The following UNC79 variants were observed in gnomAD, a reference collection of about 807,000 sequenced individuals.
The protein encoded by UNC79 is protein unc-79 homolog.
A neutral mutation model predicts 283.1 loss-of-function variants in UNC79; 37 were observed. The ratio of observed to expected loss-of-function variants is 0.13; its 90% CI spans 0.10 to 0.17. The LOEUF is 0.17. Ranked by LOEUF, UNC79 falls within the 10% of genes least tolerant of loss-of-function variation. The pLI, the probability that UNC79 is intolerant of heterozygous loss-of-function variation, is 1.00. For missense variants in UNC79, 2,272 were observed against 3,211.1 expected, an observed-to-expected ratio of 0.71 and a Z score of 7.07; for synonymous variants, 1,107 against 1,200.2, an observed-to-expected ratio of 0.92 and a Z score of 1.61.
At chr14:93,674,953 T>C (rs2073205245) in intron 41 of UNC79, among the ~76,000 whole-genome samples, 1 of 152,232 alleles carries the variant, frequency 6.6e-6, no homozygotes, top group Non-Finnish European at 1.5e-5. Flanking sequence ...TTACGTGGAT[T>C]ACTGTAACAG....
rs186826566 is a variant in UNC79 at position 93,536,237 on chromosome 14, A to G, written c.1123-1752A>G. Among the ~76,000 whole-genome samples the G allele has an allele frequency of 3.3e-5, 5 of 152,336 alleles. No homozygotes were observed. The East Asian group carries it at 9.6e-4, about 29-fold the overall frequency. On this transcript the variant is annotated intron_variant, in intron 11 of 48. Transcript: ENST00000555664. ...TCTGATCCACAGAGCCTATGAACAT[A>G]ATTAAATGTTGCTGTTTTATGCCGC...
intron 24 of UNC79, among the ~76,000 whole-genome samples, chr14:93,599,907 TA>T (rs1161834281): frequency 6.6e-6 from 1 of 152,168 alleles, no homozygotes; most frequent in Non-Finnish European, 1.5e-5. Context: ...CTACAGGCAT[TA>T]AAACCAGATG....
At chr14:93,420,983 A>AT (rs2055586249) in intron 1 of UNC79, among the ~76,000 whole-genome samples, 1 of 151,792 alleles carries the variant, frequency 6.6e-6, no homozygotes, top group Non-Finnish European at 1.5e-5. Context: ...TCCCAGCTAT[A>AT]AGTGCCTACA....
In UNC79 at chr14:93,357,975, AG is replaced by A. The variant is rs544011119; in HGVS notation, c.-351+24453del. Among the ~76,000 whole-genome samples the A allele has an allele frequency of 7.8e-5, 11 of 140,964 alleles. No individual in the cohort carries two copies. The East Asian group carries it at 2.2e-3, about 28-fold the overall frequency. The allele number at this position is 140,964 out of a possible 152,430, so 92.5% of individuals were successfully genotyped here. Reference sequence around the variant, plus strand: ...TATATCTATATATATCCATATATATAGATATATATCTCTCTCCTGTTAGATC... The same window carrying A: ...TATATCTATATATATCCATATATATAATATATATCTCTCTCCTGTTAGATC... On this transcript the variant is annotated intron_variant, in intron 1 of 49. Coordinates refer to the UNC79 transcript ENST00000256339.
intron 2 of UNC79, among the ~76,000 whole-genome samples, chr14:93,472,812 G>A (rs2057589122): frequency 6.6e-6 from 1 of 152,042 alleles, no homozygotes; most frequent in Non-Finnish European, 1.5e-5. Flanking sequence ...GTAAAACAAG[G>A]TTATTTTTAT....
chr14:93,675,690 G>A (rs768298906), intron 41 of UNC79, among the ~76,000 whole-genome samples: 3 of 152,158 alleles, frequency 2.0e-5, no homozygotes, highest in Non-Finnish European at 4.4e-5. Context: ...TCAGAACTGA[G>A]TTTTTCTCAA....
intron 47 of UNC79, among the ~76,000 whole-genome samples, chr14:93,703,008 A>G (rs1489193286): frequency 1.3e-5 from 2 of 152,190 alleles, no homozygotes; most frequent in Admixed American, 6.5e-5. Context: ...TTGAATTTGG[A>G]ATAAAATTCA....
At chr14:93,504,625 T>C (rs2059443787) in intron 7 of UNC79, among the ~76,000 whole-genome samples, 1 of 152,002 alleles carries the variant, frequency 6.6e-6, no homozygotes, top group African/African-American at 2.4e-5. Context: ...CAATTATATA[T>C]GTTCTAAAAA....
rs746512981 is a variant in UNC79 at position 93,498,440 on chromosome 14, T to A, written c.898+1154T>A. 4.6e-5 allele frequency among the ~76,000 whole-genome samples: 7 copies of A among 151,396 alleles called. No individual in the cohort carries two copies. The South Asian group carries it at 6.3e-4, about 14-fold the overall frequency. The stretch of plus-strand genomic sequence containing the variant: ...CGTCTCTACTAAAAATACAAAAAAA[T>A]TTTAGCCGGACGTGGTGGCACGTGC... On this transcript the variant is annotated intron_variant, in intron 7 of 48. Coordinates refer to ENST00000555664, the Ensembl canonical transcript of UNC79.
intron 4 of UNC79, 26 bp downstream of exon 4, chr14:93,477,754 G>T (rs1393909311): frequency 6.3e-7 from 1 of 1,588,714 alleles, no homozygotes; most frequent in African/African-American, 1.4e-5. Flanking sequence ...CCTAATACTA[G>T]ATTATTTTTA....
intron 7 of UNC79, among the ~76,000 whole-genome samples, chr14:93,507,348 C>G (rs913217792): frequency 1.3e-5 from 2 of 152,196 alleles, no homozygotes; most frequent in Admixed American, 6.5e-5. Flanking sequence ...TTTCATCCAA[C>G]AATTTATGAG....
At chr14:93,347,611 C>T in intron 1 of UNC79, among the ~76,000 whole-genome samples, 1 of 151,866 alleles carries the variant, frequency 6.6e-6, no homozygotes, top group Admixed American at 6.6e-5. Flanking sequence ...GGCACAGGGG[C>T]GGAAAGCCCG....
chr14:93,494,932 A>G (rs1309506790), intron 5 of UNC79, among the ~76,000 whole-genome samples: 1 of 152,192 alleles, frequency 6.6e-6, no homozygotes, highest in African/African-American at 2.4e-5. Context: ...TGTGGAGGTT[A>G]TTATAACCTC....
chr14:93,610,561 C>T (rs1171292058), intron 26 of UNC79, among the ~76,000 whole-genome samples: 1 of 152,024 alleles, frequency 6.6e-6, no homozygotes, highest in Non-Finnish European at 1.5e-5. Flanking sequence ...TAAAGTAATA[C>T]TCTAGTGGAA....
exon 12 of UNC79, chr14:93,538,112 G>C (rs1434367310): frequency 1.2e-6 from 2 of 1,614,062 alleles, no homozygotes; most frequent in Admixed American, 1.7e-5. Context: ...CAGTAATGAA[G>C]TGGGGGCCGC....
chr14:93,481,740 A>G (rs1405336501), intron 4 of UNC79, among the ~76,000 whole-genome samples: 6 of 152,218 alleles, frequency 3.9e-5, no homozygotes, highest in Non-Finnish European at 2.9e-5. Context: ...CCAAAGACTA[A>G]TAACACATAG....
At chr14:93,554,532 T>C (rs938405563) in intron 14 of UNC79, among the ~76,000 whole-genome samples, 1 of 152,192 alleles carries the variant, frequency 6.6e-6, no homozygotes, top group African/African-American at 2.4e-5. Flanking sequence ...AAGATTTTTA[T>C]AACCCTTTGC....
chr14:93,580,831 A>G (rs1393223590), intron 19 of UNC79, among the ~76,000 whole-genome samples: 1 of 151,946 alleles, frequency 6.6e-6, no homozygotes, highest in African/African-American at 2.4e-5. Flanking sequence ...TCAGCCTCCC[A>G]AGAAGCTGGG....
At chr14:93,524,889 T>A (rs2060476792) in intron 8 of UNC79, among the ~76,000 whole-genome samples, 1 of 152,228 alleles carries the variant, frequency 6.6e-6, no homozygotes, top group Non-Finnish European at 1.5e-5. Context: ...GTTTGCTTCT[T>A]TTGTTTTATA....
Sources: allele counts gnomAD v4.1 joint callset (sites outside exome capture counted in the v4.1 genomes callset), GRCh38; gene constraint gnomAD v4.1.1; transcripts MANE v1.5; gene names NCBI Gene and HGNC (gene_info 2026-07-23, HGNC 2026-07-21).